SNX29: variants seen among roughly 807,000 people sequenced by gnomAD.
SNX29 encodes sorting nexin-29.
SNX29 carries 78 observed loss-of-function variants against 102.1 expected under a neutral mutation model. That is an observed-to-expected ratio of 0.76 (90% CI 0.64 to 0.92). SNX29 has a LOEUF of 0.92. SNX29 is among the 40% of genes least tolerant of loss of function. The pLI, the probability that SNX29 is intolerant of heterozygous loss-of-function variation, is 0.00. For missense variants in SNX29, 1,280 were observed against 1,061.7 expected, an observed-to-expected ratio of 1.21 and a Z score of -2.86; for synonymous variants, 580 against 414.5, an observed-to-expected ratio of 1.40 and a Z score of -4.85.
intron 14 of SNX29, among the ~76,000 whole-genome samples, chr16:12,232,672 G>A (rs1352344766): frequency 6.6e-6 from 1 of 152,214 alleles, no homozygotes; most frequent in Non-Finnish European, 1.5e-5. Flanking sequence ...TCTCCCCAAA[G>A]CCAACAAGGA....
intron 13 of SNX29, among the ~76,000 whole-genome samples, chr16:12,196,614 T>TC (rs1174909872): frequency 1.6e-5 from 2 of 121,768 alleles, no homozygotes; most frequent in African/African-American, 5.2e-5. Context: ...TTTTCTTTTT[T>TC]CTTTTTTCTT....
At chr16:12,332,059 CA>C (rs1176503214) in intron 15 of SNX29, among the ~76,000 whole-genome samples, 11 of 151,752 alleles carry the variant, frequency 7.2e-5, no homozygotes. Flanking sequence ...AACTCCATCT[CA>C]AAAAAATAAT....
At chr16:12,483,052 C>T (rs955103061) in intron 19 of SNX29, among the ~76,000 whole-genome samples, 10 of 140,884 alleles carry the variant, frequency 7.1e-5, no homozygotes, top group South Asian at 2.4e-4. Context: ...GTTCACCATT[C>T]GATGAAGTTT....
intron 20 of SNX29, among the ~76,000 whole-genome samples, chr16:12,539,699 T>A (rs1044299797): frequency 6.6e-6 from 1 of 152,234 alleles, no homozygotes; most frequent in East Asian, 1.9e-4. Context: ...CAGCATGTCA[T>A]ACTGTCATGA....
In SNX29 at chr16:12,570,204, G is replaced by C; in HGVS notation, c.*1575G>C. ...CGAGTCAGCCTACATGACTTCCAAG[G>C]GGACCTGGGGCCAGATAAGCCCTGC... On this transcript the variant is annotated 3_prime_UTR_variant, in exon 21 of 21. Coordinates refer to ENST00000566228, the MANE Select transcript of SNX29 (RefSeq NM_032167.5). 1 of 1,065,276 alleles carries C rather than the reference G, an allele frequency of 9.4e-7. No homozygotes were observed. The highest frequency in any genetic ancestry group is 1.1e-6 in the Non-Finnish European group (1 of 879,262). 66.0% of individuals were successfully genotyped at this position (1,065,276 alleles called of 1,614,324 possible).
chr16:12,551,389 G>C (rs561525471), intron 20 of SNX29, among the ~76,000 whole-genome samples: 1 of 152,272 alleles, frequency 6.6e-6, no homozygotes, highest in Admixed American at 6.5e-5. Context: ...CCCAACAGTA[G>C]GATTGCTTTC....
chr16:12,092,501 C>A (rs2052598833), intron 11 of SNX29, among the ~76,000 whole-genome samples: 1 of 152,096 alleles, frequency 6.6e-6, no homozygotes, highest in African/African-American at 2.4e-5. Context: ...CACCTTTTTT[C>A]CTCTTGTGTC....
intron 13 of SNX29, among the ~76,000 whole-genome samples, chr16:12,132,836 C>T (rs2054517687): frequency 6.6e-6 from 1 of 152,256 alleles, no homozygotes; most frequent in Non-Finnish European, 1.5e-5. Flanking sequence ...AAAGGAAAAA[C>T]TAGAAGCAGG....
Position 12,570,338 on chromosome 16 carries a change from C to T in SNX29, c.*1709C>T, listed in dbSNP as rs1443658937. The T allele has an allele frequency of 2.7e-6, 2 of 737,480 alleles. No homozygotes were observed. Among genetic ancestry groups the T allele is most frequent in the Non-Finnish European group, 3.5e-6 (2 of 579,592 alleles). The allele number at this position is 737,480 out of a possible 1,614,324, so 45.7% of individuals were successfully genotyped here. A position where few individuals can be genotyped will look rare whatever the true frequency, so the allele number is the denominator to read the frequency against. ...CTGTAAAGGCAACTTGGTCTCCCTC[C>T]CACTCACCTGCCAACATTGCTGCAA... On this transcript the variant is annotated 3_prime_UTR_variant, in exon 21 of 21. Coordinates refer to ENST00000566228, the MANE Select transcript of SNX29 (RefSeq NM_032167.5).
Position 12,572,473 on chromosome 16 carries a change from G to T in SNX29, c.*3844G>T. 1 of 1,063,814 alleles carries T rather than the reference G, an allele frequency of 9.4e-7. No individual in the cohort carries two copies. The highest frequency in any genetic ancestry group is 1.1e-6 in the Non-Finnish European group (1 of 878,348). 65.9% of individuals were successfully genotyped at this position (1,063,814 alleles called of 1,614,324 possible). ...CATGGTACATTTTGCCAACCCTGAG[G>T]ACCAGTTCTTGGGGTTCCAGGCCTC... is the stretch of plus-strand genomic sequence containing the variant. On this transcript the variant is annotated 3_prime_UTR_variant, in exon 21 of 21. Coordinates refer to ENST00000566228, the MANE Select transcript of SNX29 (RefSeq NM_032167.5).
intron 13 of SNX29, among the ~76,000 whole-genome samples, chr16:12,148,970 G>A (rs1389879860): frequency 6.6e-6 from 1 of 152,140 alleles, no homozygotes; most frequent in Non-Finnish European, 1.5e-5. Flanking sequence ...CCAAAGTGCT[G>A]GGATTACAGG....
At chr16:12,106,221 A>G (rs534334308) in intron 11 of SNX29, among the ~76,000 whole-genome samples, 1 of 152,270 alleles carries the variant, frequency 6.6e-6, no homozygotes, top group African/African-American at 2.4e-5. Flanking sequence ...TAATGTGTCA[A>G]TGGCTTTGCC....
chr16:12,394,349 CAGTT>C (rs2083644716), intron 16 of SNX29, among the ~76,000 whole-genome samples: 1 of 152,216 alleles, frequency 6.6e-6, no homozygotes, highest in African/African-American at 2.4e-5. Context: ...TATAGCTTAG[CAGTT>C]AGAAGAGCAG....
chr16:12,300,776 C>T lies in SNX29; in HGVS notation c.1782+22740C>T, dbSNP rs543111474. 5.9e-5 allele frequency among the ~76,000 whole-genome samples: 9 copies of T among 152,268 alleles called. No individual in the cohort carries two copies. In the East Asian group the frequency reaches 1.4e-3, roughly 23 times the overall value. ...TCAGCCTTGATGACATTTTGGACTG[C>T]GTAGCTGTTTGCTGTGGGAGGCTGT... On this transcript the variant is annotated intron_variant, in intron 15 of 20. Coordinates refer to ENST00000566228, the MANE Select transcript of SNX29 (RefSeq NM_032167.5).
In SNX29 at chr16:12,568,532, T is replaced by C. The variant is rs759551959; in HGVS notation, c.2345T>C (p.Val782Ala). ...FVDITPPGEP[V>A]NSRPKAASRF... is the part of the protein sequence containing the mutation. ...GACATCACCCCGCCCGGAGAGCCTG[T>C]GAACAGCCGGCCCAAAGCAGCTTCC... The change falls in exon 21 of 21, where the codon GTG becomes GCG. Residue 782 changes from valine to alanine, a missense_variant. Val to Ala is a moderately conservative substitution (Grantham distance 64, BLOSUM62 0). Coordinates refer to ENST00000566228, the MANE Select transcript of SNX29 (RefSeq NM_032167.5). 7 of 1,609,796 alleles carry C rather than the reference T, an allele frequency of 4.3e-6. No homozygotes were observed. The highest frequency in any genetic ancestry group is 4.2e-6 in the Non-Finnish European group (5 of 1,179,840).
At chr16:11,993,605 A>T (rs1352153182) in intron 1 of SNX29, among the ~76,000 whole-genome samples, 1 of 152,142 alleles carries the variant, frequency 6.6e-6, no homozygotes, top group East Asian at 1.9e-4. Context: ...TTCTATGATG[A>T]GCCTGAAGGA....
At chr16:12,558,742 T>C (rs2078532562) in intron 20 of SNX29, among the ~76,000 whole-genome samples, 1 of 152,212 alleles carries the variant, frequency 6.6e-6, no homozygotes, top group Non-Finnish European at 1.5e-5. Context: ...ACCACTAGGC[T>C]GTCCCAGGCC....
chr16:12,415,529 C>A (rs1339357165), intron 18 of SNX29, among the ~76,000 whole-genome samples: 7 of 152,198 alleles, frequency 4.6e-5, no homozygotes, highest in Non-Finnish European at 7.3e-5. Context: ...ATTAATCCAC[C>A]CATGAAGTTC....
chr16:12,010,415 A>G (rs969216841), intron 3 of SNX29, among the ~76,000 whole-genome samples: 1 of 152,166 alleles, frequency 6.6e-6, no homozygotes, highest in Non-Finnish European at 1.5e-5. Flanking sequence ...TGATCCCAGG[A>G]GTTCGAGACC....
Sources: gnomAD v4.1 joint callset for allele counts (sites outside exome capture counted in the v4.1 genomes callset) on GRCh38, gnomAD v4.1.1 for gene constraint, MANE v1.5 for transcripts, NCBI Gene and HGNC (gene_info 2026-07-23, HGNC 2026-07-21) for gene names.